NAV2: variants seen among roughly 807,000 people sequenced by gnomAD.
NAV2 encodes helicase, APC down-regulated 1.
A neutral mutation model predicts 223.2 loss-of-function variants in NAV2; 54 were observed. The ratio of observed to expected loss-of-function variants is 0.24; its 90% CI spans 0.19 to 0.30. The LOEUF is 0.30. Ranked by LOEUF, NAV2 falls within the 10% of genes least tolerant of loss-of-function variation. The pLI is 1.00. For synonymous variants in NAV2, 1,279 were observed against 1,239.3 expected, an observed-to-expected ratio of 1.03 and a Z score of -0.67; for missense variants, 2,806 against 3,147.5, an observed-to-expected ratio of 0.89 and a Z score of 2.60.
At chr11:19,520,147 C>A (rs1179570481) in intron 1 of NAV2, among the ~76,000 whole-genome samples, 11 of 152,190 alleles carry the variant, frequency 7.2e-5, no homozygotes, top group African/African-American at 2.4e-4. Flanking sequence ...CTCTCCTCCA[C>A]GCTCAGGCAG....
intron 1 of NAV2, among the ~76,000 whole-genome samples, chr11:19,645,453 C>G (rs567772233): frequency 5.9e-5 from 9 of 152,226 alleles, no homozygotes; most frequent in African/African-American, 1.9e-4. Context: ...GGGATTCAGA[C>G]GTGAACATCT....
chr11:19,655,132 C>A (rs1276611868), intron 1 of NAV2, among the ~76,000 whole-genome samples: 8 of 152,114 alleles, frequency 5.3e-5, no homozygotes, highest in African/African-American at 9.7e-5. Context: ...CCAAAAGACA[C>A]GTGAAAAAAT....
At chr11:19,635,327 C>A (rs1242005978) in intron 1 of NAV2, among the ~76,000 whole-genome samples, 1 of 152,086 alleles carries the variant, frequency 6.6e-6, no homozygotes, top group Non-Finnish European at 1.5e-5. Context: ...GCTTTTTAGA[C>A]CAATTACTCC....
At chr11:19,528,061 G>A (rs2043901211) in intron 1 of NAV2, among the ~76,000 whole-genome samples, 1 of 152,110 alleles carries the variant, frequency 6.6e-6, no homozygotes, top group South Asian at 2.1e-4. Context: ...GTGAAATCAA[G>A]CCACGTTCCC....
intron 6 of NAV2, among the ~76,000 whole-genome samples, chr11:19,906,645 G>T (rs58194174): frequency 0.022 from 3,330 of 152,266 alleles, 100 homozygotes; most frequent in African/African-American, 0.073. Flanking sequence ...AAGAACTCAC[G>T]GGGGAGAGCA....
At chr11:20,005,366 C>T (rs1197675565) in intron 11 of NAV2, among the ~76,000 whole-genome samples, 2 of 151,382 alleles carry the variant, frequency 1.3e-5, no homozygotes, top group Admixed American at 6.6e-5. Flanking sequence ...CTCTCTCAAC[C>T]TCCTGAGCAG....
At chr11:19,997,544 G>A (rs2052027295) in intron 11 of NAV2, among the ~76,000 whole-genome samples, 1 of 152,070 alleles carries the variant, frequency 6.6e-6, no homozygotes, top group Non-Finnish European at 1.5e-5. Flanking sequence ...TGTTCTCCTA[G>A]GTACTCTACA....
At chr11:19,739,085 G>T (rs1237843425) in intron 1 of NAV2, among the ~76,000 whole-genome samples, 3 of 152,192 alleles carry the variant, frequency 2.0e-5, no homozygotes, top group Non-Finnish European at 4.4e-5. Flanking sequence ...GCAGGCTAAG[G>T]TGGGAGGATC....
chr11:19,871,700 C>T (rs922871015), intron 4 of NAV2, among the ~76,000 whole-genome samples: 4 of 152,162 alleles, frequency 2.6e-5, no homozygotes, highest in South Asian at 2.1e-4. Flanking sequence ...TGCAAGGCCT[C>T]CTGTCACCTG....
intron 1 of NAV2, among the ~76,000 whole-genome samples, chr11:19,549,842 A>G (rs1379280504): frequency 6.6e-6 from 1 of 152,264 alleles, no homozygotes; most frequent in Non-Finnish European, 1.5e-5. Flanking sequence ...CCAGATGACA[A>G]GAACGTTAGT....
chr11:19,633,324 T>C lies in NAV2; in HGVS notation c.76-199160T>C, dbSNP rs12283594. Among the ~76,000 whole-genome samples, 746 of 152,336 alleles carry C rather than the reference T, an allele frequency of 4.9e-3. 3 individuals are homozygous for C. The highest frequency in any genetic ancestry group is 6.8e-3 in the Non-Finnish European group (464 of 68,024). On this transcript the variant is annotated intron_variant, in intron 1 of 37. Transcript: ENST00000360655. ...GCTCCTGGCTAAGCTCCTGATTTTG[T>C]CTCCCCAGACAGAGAGGGAGGTCCC...
intron 3 of NAV2, among the ~76,000 whole-genome samples, chr11:19,849,236 AG>A (rs1401880579): frequency 1.3e-5 from 2 of 152,128 alleles, no homozygotes; most frequent in African/African-American, 4.8e-5. Flanking sequence ...CTATTTTCAG[AG>A]ATATGGTGTT....
chr11:20,083,333 C>T (rs1222255660), intron 26 of NAV2, among the ~76,000 whole-genome samples, 154 bp downstream of exon 26: 2 of 152,182 alleles, frequency 1.3e-5, no homozygotes, highest in Non-Finnish European at 2.9e-5. Flanking sequence ...TGCTTTAGGA[C>T]TGGGAAAGTT....
chr11:19,598,741 C>T (rs2046277409), intron 1 of NAV2, among the ~76,000 whole-genome samples: 1 of 152,190 alleles, frequency 6.6e-6, no homozygotes. Context: ...GAGTTTGACT[C>T]CACCACCAAG....
chr11:19,960,274 CAT>C (rs2048242511), intron 10 of NAV2, among the ~76,000 whole-genome samples: 1 of 152,164 alleles, frequency 6.6e-6, no homozygotes, highest in Non-Finnish European at 1.5e-5. Context: ...ACAGGAAAAA[CAT>C]ATTCCATCCT....
intron 3 of NAV2, among the ~76,000 whole-genome samples, chr11:19,867,796 A>G (rs1215236525): frequency 2.0e-5 from 3 of 152,184 alleles, no homozygotes; most frequent in Admixed American, 2.0e-4. Flanking sequence ...AGATGTGAAG[A>G]CTGGGAGTAG....
chr11:19,692,772 C>T (rs1028870895), intron 1 of NAV2, among the ~76,000 whole-genome samples: 4 of 151,874 alleles, frequency 2.6e-5, no homozygotes, highest in Admixed American at 1.3e-4. Flanking sequence ...TCAGGGGATG[C>T]AGCAGAAAAA....
At position 19,545,857 on chromosome 11, in the gene NAV2, C is replaced by T. The variant is rs1041950967; in HGVS notation, c.75+194830C>T. Among the ~76,000 whole-genome samples the T allele has an allele frequency of 2.6e-5, 4 of 152,192 alleles. No individual in the cohort carries two copies. The East Asian group carries it at 7.7e-4, about 29-fold the overall frequency. ...CTTCTTCCAATGTGGCCCAGGGAAG[C>T]CAAAAGATTGGACAACCCTGACCTA... On this transcript the variant is annotated intron_variant, in intron 1 of 37. Transcript: ENST00000360655.
Position 20,103,113 on chromosome 11 carries a change from C to T in NAV2, c.6418-142C>T, listed in dbSNP as rs890356099. On this transcript the variant is annotated intron_variant, in intron 32 of 37. Transcript: ENST00000349880. Reference sequence around the variant, plus strand: ...AAGCCAGTGCCCTGTAATAGGCAGGCACCCAGAATGTGTTTACAGCGCAGA... The same window carrying T: ...AAGCCAGTGCCCTGTAATAGGCAGGTACCCAGAATGTGTTTACAGCGCAGA... The T allele has an allele frequency of 8.2e-6, 6 of 731,822 alleles. No homozygotes were observed. The East Asian group carries it at 1.1e-4, about 13-fold the overall frequency. 45.3% of individuals were successfully genotyped at this position (731,822 alleles called of 1,614,324 possible). A position where few individuals can be genotyped will look rare whatever the true frequency, so the allele number is the denominator to read the frequency against.
Sources: gnomAD v4.1 joint callset for allele counts (sites outside exome capture counted in the v4.1 genomes callset) on GRCh38, gnomAD v4.1.1 for gene constraint, MANE v1.5 for transcripts, NCBI Gene and HGNC (gene_info 2026-07-23, HGNC 2026-07-21) for gene names.